Variants in ERO1A observed in about 807,000 individuals in gnomAD.
ERO1A encodes the protein endoplasmic reticulum oxidoreductase 1 alpha.
In ERO1A, 49 loss-of-function variants were observed where a neutral mutation model predicts 76.9. The ratio of observed to expected loss-of-function variants is 0.64; its 90% CI spans 0.51 to 0.81. The LOEUF is 0.81. ERO1A is among the 30% of genes least tolerant of loss of function. The pLI, the probability that ERO1A is intolerant of heterozygous loss-of-function variation, is 0.00. For synonymous variants in ERO1A, 174 were observed against 181.2 expected, an observed-to-expected ratio of 0.96 and a Z score of 0.32; for missense variants, 448 against 542.1, an observed-to-expected ratio of 0.83 and a Z score of 1.72.
At chr14:52,694,902 C>G (rs2041496439) in intron 1 of ERO1A, among the ~76,000 whole-genome samples, 1 of 152,128 alleles carries the variant, frequency 6.6e-6, no homozygotes, top group African/African-American at 2.4e-5. Context: ...GCCATTCTTC[C>G]GCCTAACATC....
intron 9 of ERO1A, among the ~76,000 whole-genome samples, chr14:52,660,674 G>A (rs116094574): frequency 6.6e-6 from 1 of 152,172 alleles, no homozygotes; most frequent in South Asian, 2.1e-4. Context: ...GATTTTGAGG[G>A]AAAGAAAAGT....
At chr14:52,646,969 G>GTTTTT (rs1566633921) in intron 13 of ERO1A, 1 of 110,712 alleles carries the variant, frequency 9.0e-6, no homozygotes, top group Non-Finnish European at 1.8e-5. Context: ...AAATCCTTTG[G>GTTTTT]TTTCTTTTTT....
At chr14:52,644,407 C>G (rs1351714491) in intron 15 of ERO1A, among the ~76,000 whole-genome samples, 1 of 152,114 alleles carries the variant, frequency 6.6e-6, no homozygotes, top group African/African-American at 2.4e-5. Context: ...AAACTGAGAT[C>G]ACGTCGGTCA....
At chr14:52,658,743 T>G (rs1360055711) in intron 9 of ERO1A, among the ~76,000 whole-genome samples, 3 of 152,144 alleles carry the variant, frequency 2.0e-5, no homozygotes, top group Non-Finnish European at 4.4e-5. Context: ...TAAATTAACA[T>G]GATAGAACAC....
intron 1 of ERO1A, among the ~76,000 whole-genome samples, chr14:52,687,701 A>C (rs564432520): frequency 3.3e-5 from 5 of 152,318 alleles, no homozygotes; most frequent in South Asian, 4.1e-4. Context: ...CAGGAATCTA[A>C]ATTTTTTTAA....
intron 6 of ERO1A, among the ~76,000 whole-genome samples, chr14:52,668,834 A>C (rs563865139): frequency 6.7e-6 from 1 of 149,242 alleles, no homozygotes; most frequent in Non-Finnish European, 1.5e-5. Context: ...ATTATATTAA[A>C]TATTACTATA....
At chr14:52,653,014 T>G (rs2039925009) in intron 12 of ERO1A, 55 bp downstream of exon 12, 1 of 1,311,774 alleles carries the variant, frequency 7.6e-7, no homozygotes, top group African/African-American at 1.5e-5. Flanking sequence ...AAAATTTATC[T>G]TGTACATTAA....
chr14:52,675,823 GCTATTTTGAGAA>G (rs1185502105), intron 4 of ERO1A, among the ~76,000 whole-genome samples: 5 of 151,976 alleles, frequency 3.3e-5, no homozygotes, highest in Admixed American at 3.3e-4. Flanking sequence ...ATGGGGTTTT[GCTATTTTGAGAA>G]CAGGCATGTG....
At chr14:52,680,577 A>C (rs17125649) in intron 3 of ERO1A, among the ~76,000 whole-genome samples, 24,004 of 152,224 alleles carry the variant, frequency 0.16, 1,974 homozygotes, top group South Asian at 0.26. Flanking sequence ...GCCTTTATTA[A>C]GCATCTACCA....
chr14:52,643,963 C>A (rs937115367), intron 15 of ERO1A, among the ~76,000 whole-genome samples: 2 of 151,952 alleles, frequency 1.3e-5, no homozygotes, highest in African/African-American at 2.4e-5. Context: ...CACAGGGAGA[C>A]CTGGTCTCTA....
At chr14:52,668,404 G>A (rs1194529620) in intron 6 of ERO1A, among the ~76,000 whole-genome samples, 1 of 151,832 alleles carries the variant, frequency 6.6e-6, no homozygotes, top group Non-Finnish European at 1.5e-5. Context: ...AATTAGCCGG[G>A]CATGGTGATG....
Position 52,695,360 on chromosome 14 carries a change from T to TCG in ERO1A, c.114+6_114+7dup. 6.9e-7 allele frequency: 1 copy of TCG among 1,441,450 alleles called. No homozygotes were observed. The highest frequency in any genetic ancestry group is 1.4e-5 in the South Asian group (1 of 72,098). 89.3% of individuals were successfully genotyped at this position (1,441,450 alleles called of 1,614,324 possible). Reference sequence around the variant, plus strand: ...GGGACCCTCAGCACCAACGCGCACATCGCTCACCTGGCAGAAGCACCTCTG... The same window carrying TCG: ...GGGACCCTCAGCACCAACGCGCACATCGCGCTCACCTGGCAGAAGCACCTCTG... On this transcript the variant is annotated splice_region_variant and intron_variant, in intron 1 of 15. Transcript: ENST00000395686.
intron 4 of ERO1A, 37 bp from the exon 5 acceptor site, chr14:52,671,908 T>A (rs770466071): frequency 7.5e-7 from 1 of 1,329,516 alleles, no homozygotes; most frequent in African/African-American, 1.5e-5. Flanking sequence ...TAATAACTTA[T>A]TGCATTTTTA....
At chr14:52,651,853 C>G (rs894576834) in intron 13 of ERO1A, among the ~76,000 whole-genome samples, 1 of 151,948 alleles carries the variant, frequency 6.6e-6, no homozygotes, top group Non-Finnish European at 1.5e-5. Context: ...GCATTATTAC[C>G]ATAGTTACCA....
At chr14:52,656,034 C>G (rs544793728) in intron 11 of ERO1A, among the ~76,000 whole-genome samples, 2 of 152,302 alleles carry the variant, frequency 1.3e-5, no homozygotes, top group East Asian at 3.9e-4. Flanking sequence ...TTCAAAACTA[C>G]AAATACATTA....
chr14:52,690,879 T>C (rs950360840), intron 1 of ERO1A, among the ~76,000 whole-genome samples: 3 of 152,104 alleles, frequency 2.0e-5, no homozygotes, highest in Non-Finnish European at 4.4e-5. Context: ...GCAATTCTCC[T>C]GCCTCAGCCT....
At chr14:52,655,071 T>A (rs1362724326) in intron 11 of ERO1A, among the ~76,000 whole-genome samples, 1 of 152,182 alleles carries the variant, frequency 6.6e-6, no homozygotes, top group East Asian at 1.9e-4. Flanking sequence ...AAAATCTTAT[T>A]AAATTCTTAC....
At chr14:52,647,287 A>G (rs1422058402) in intron 13 of ERO1A, among the ~76,000 whole-genome samples, 1 of 150,476 alleles carries the variant, frequency 6.6e-6, no homozygotes, top group Non-Finnish European at 1.5e-5. Flanking sequence ...GGCGTGAGCC[A>G]CTGTGCCCAG....
At chr14:52,666,516 T>C in intron 6 of ERO1A, 21 bp from the exon 7 acceptor site, 2 of 1,592,926 alleles carry the variant, frequency 1.3e-6, no homozygotes, top group Admixed American at 1.8e-5. Flanking sequence ...AAATGTCTTA[T>C]TAAACCTTTC....
Sources: allele counts gnomAD v4.1 joint callset (sites outside exome capture counted in the v4.1 genomes callset), GRCh38; gene constraint gnomAD v4.1.1; transcripts MANE v1.5; gene names NCBI Gene and HGNC (gene_info 2026-07-23, HGNC 2026-07-21).